IL17RD: variants seen among roughly 807,000 people sequenced by gnomAD.
IL17RD encodes interleukin-17 receptor D.
In IL17RD, 52 loss-of-function variants were observed where a neutral mutation model predicts 80.5. That is an observed-to-expected ratio of 0.65 (90% CI 0.52 to 0.81). The LOEUF (loss-of-function observed/expected upper bound fraction) is 0.81. IL17RD is among the 40% of genes least tolerant of loss of function. The pLI is 0.00. For synonymous variants in IL17RD, 416 were observed against 391.8 expected (o/e 1.06, Z -0.73); for missense variants, 1,024 against 955.1 (o/e 1.07, Z -0.95).
At position 57,114,819 on chromosome 3, in the gene IL17RD, T is replaced by G; in HGVS notation, c.185-2A>C. ...CTGGATTCAAGTAGGTGGTACAATC[T>G]AGAGAGTAGGGAGAATGAGAACAGT... On this transcript the variant is annotated splice_acceptor_variant, in intron 2 of 12. Coordinates refer to ENST00000296318, the MANE Select transcript of IL17RD (RefSeq NM_017563.5). LOFTEE classifies it high-confidence loss of function. 1 of 1,577,926 alleles carries G rather than the reference T, an allele frequency of 6.3e-7. No homozygotes were observed. Among genetic ancestry groups the G allele is most frequent in the South Asian group, 1.2e-5 (1 of 85,122 alleles).
chr3:57,156,844 C>G (rs74470875), intron 1 of IL17RD, among the ~76,000 whole-genome samples: 3,044 of 152,262 alleles, frequency 0.02, 96 homozygotes, highest in African/African-American at 0.069. Context: ...ACTGTCCCCC[C>G]AGCGCCTGGG....
rs772814698 is a variant in IL17RD at position 57,109,508 on chromosome 3, G to T, written c.550+29C>A. On this transcript the variant is annotated intron_variant, in intron 5 of 12. Transcript: ENST00000296318. ...TAAAAGCGGAGAAAAGTCTTCTCAT[G>T]GGAACCAGGCAGGAAAGGCCATACT... The T allele has an allele frequency of 5.0e-6, 8 of 1,598,088 alleles. No individual in the cohort carries two copies. The Admixed American group carries it at 1.4e-4, about 29-fold the overall frequency.
intron 11 of IL17RD, 121 bp downstream of exon 11, chr3:57,101,058 G>T: frequency 1.5e-6 from 1 of 684,022 alleles, no homozygotes; most frequent in Non-Finnish European, 2.5e-6. Flanking sequence ...TTTGAAAGCT[G>T]TGGCACTAGT....
intron 1 of IL17RD, among the ~76,000 whole-genome samples, chr3:57,127,245 TATATATAA>T (rs1559476772): frequency 1.2e-5 from 1 of 86,810 alleles, no homozygotes; most frequent in African/African-American, 5.5e-5. Flanking sequence ...TATATAAATA[TATATATAA>T]ATATATATAA....
At chr3:57,152,248 G>A (rs2060232100) in intron 1 of IL17RD, among the ~76,000 whole-genome samples, 1 of 152,132 alleles carries the variant, frequency 6.6e-6, no homozygotes, top group African/African-American at 2.4e-5. Flanking sequence ...TTCCAGCCCA[G>A]GAGCTCCGGC....
chr3:57,135,801 G>C (rs1034621739), intron 1 of IL17RD, among the ~76,000 whole-genome samples: 4 of 152,102 alleles, frequency 2.6e-5, no homozygotes. Flanking sequence ...TTTCTACAAA[G>C]GGAAAACACC....
chr3:57,121,558 G>A (rs1021646190), intron 1 of IL17RD, among the ~76,000 whole-genome samples: 4 of 152,124 alleles, frequency 2.6e-5, no homozygotes, highest in African/African-American at 9.7e-5. Context: ...ACAATCTACT[G>A]AAGCTCCCCT....
At chr3:57,136,368 CCCACCTGTAA>C (rs1186373578) in intron 1 of IL17RD, among the ~76,000 whole-genome samples, 2 of 152,128 alleles carry the variant, frequency 1.3e-5, no homozygotes, top group East Asian at 3.9e-4. Flanking sequence ...GATGGTGGCT[CCCACCTGTAA>C]TCCCAGCATT....
At chr3:57,112,104 C>T (rs1707114152) in intron 3 of IL17RD, among the ~76,000 whole-genome samples, 1 of 152,288 alleles carries the variant, frequency 6.6e-6, no homozygotes, top group South Asian at 2.1e-4. Flanking sequence ...AAACGTAATT[C>T]CTTTATCCCT....
chr3:57,101,096 C>T, intron 11 of IL17RD, 83 bp downstream of exon 11: 1 of 1,147,438 alleles, frequency 8.7e-7, no homozygotes, highest in South Asian at 1.5e-5. Context: ...ACAGGAGGCC[C>T]AGAAGAGAGG....
intron 11 of IL17RD, among the ~76,000 whole-genome samples, chr3:57,099,314 C>T (rs1706773497): frequency 1.3e-5 from 2 of 152,212 alleles, no homozygotes; most frequent in Admixed American, 1.3e-4. Flanking sequence ...CAAAGGCGGT[C>T]TGGTAGAGAG....
At chr3:57,110,152 A>G (rs1382405278) in intron 4 of IL17RD, 41 bp downstream of exon 4, 3 of 1,557,510 alleles carry the variant, frequency 1.9e-6, no homozygotes, top group Non-Finnish European at 1.7e-6. Context: ...ACCCTGGAAC[A>G]ATGGCATGTC....
chr3:57,134,619 C>T (rs1463484051), intron 1 of IL17RD: 17 of 896,474 alleles, frequency 1.9e-5, no homozygotes, highest in Non-Finnish European at 2.4e-5. Context: ...GGCTAAGGCC[C>T]GCAGGTCTAA....
upstream of IL17RD, chr3:57,165,389 G>A: frequency 9.8e-7 from 1 of 1,015,414 alleles, no homozygotes; most frequent in South Asian, 4.8e-5. Flanking sequence ...GGCAGCGAAG[G>A]GGACCGCACT....
At chr3:57,149,652 G>A (rs1708014933) in intron 1 of IL17RD, among the ~76,000 whole-genome samples, 1 of 152,142 alleles carries the variant, frequency 6.6e-6, no homozygotes, top group East Asian at 1.9e-4. Context: ...CACATTTCAG[G>A]TACTCAGTAG....
chr3:57,155,445 G>A (rs2060260874), intron 1 of IL17RD, among the ~76,000 whole-genome samples: 1 of 152,234 alleles, frequency 6.6e-6, no homozygotes. Context: ...TGGGAACCTG[G>A]CTTGAAGCCC....
intron 8 of IL17RD, among the ~76,000 whole-genome samples, chr3:57,103,391 A>G (rs1038065261): frequency 6.6e-6 from 1 of 152,172 alleles, no homozygotes; most frequent in Non-Finnish European, 1.5e-5. Flanking sequence ...TTATTAATCA[A>G]AAGGCTGTGT....
At chr3:57,124,013 C>G (rs905246963) in intron 1 of IL17RD, among the ~76,000 whole-genome samples, 1 of 152,188 alleles carries the variant, frequency 6.6e-6, no homozygotes, top group African/African-American at 2.4e-5. Context: ...CCATCGTACT[C>G]CATCCTGGGT....
Position 57,098,337 on chromosome 3 carries a change from C to G in IL17RD, c.1366G>C (p.Ala456Pro), listed in dbSNP as rs1486881912. ...KGELFLVAVS[A>P]IAEKLRQAKQ... ...GCCTGGCGGAGCTTTTCGGCAATGG[C>G]TGACACCGCCACCAGGAAGAGCTCT... The change falls in exon 12 of 13, where the codon GCC becomes CCC. Residue 456 changes from alanine (A) to proline (P), a missense_variant. Transcript: ENST00000296318. 3 of 1,613,902 alleles carry G rather than the reference C, an allele frequency of 1.9e-6. No individual in the cohort carries two copies. Among genetic ancestry groups the G allele is most frequent in the Non-Finnish European group, 2.5e-6 (3 of 1,179,892 alleles).
Sources: allele counts gnomAD v4.1 joint callset (sites outside exome capture counted in the v4.1 genomes callset), GRCh38; gene constraint gnomAD v4.1.1; transcripts MANE v1.5; gene names NCBI Gene and HGNC (gene_info 2026-07-23, HGNC 2026-07-21).